MYO15B: variants seen among roughly 807,000 people sequenced by gnomAD.
The protein encoded by MYO15B is myosin XVB, also known as myosin XVB pseudogene.
Under a neutral mutation model 119.3 loss-of-function variants are expected in MYO15B, and 207 were observed. That is an observed-to-expected ratio of 1.73 (90% confidence interval 1.55 to 1.95). MYO15B has a LOEUF of 1.95. MYO15B is among the 30% of genes most tolerant of loss of function. The pLI is 0.00. For synonymous variants in MYO15B, 966 were observed against 498.9 expected (o/e 1.94, Z -12.48); for missense variants, 2,264 against 1,203.1 (o/e 1.88, Z -13.04).
At chr17:75,606,630 C>G (rs895118056) in intron 21 of MYO15B, among the ~76,000 whole-genome samples, 2 of 152,056 alleles carry the variant, frequency 1.3e-5, no homozygotes, top group Admixed American at 6.5e-5. Context: ...TATGCCACCA[C>G]GCCTGGCTAA....
In MYO15B at chr17:75,594,991, G is replaced by T; in HGVS notation, c.3297+19G>T. 1 of 702,486 alleles carries T rather than the reference G, an allele frequency of 1.4e-6. No homozygotes were observed. Among genetic ancestry groups the T allele is most frequent in the South Asian group, 1.5e-5 (1 of 67,574 alleles). The allele number at this position is 702,486 out of a possible 1,614,324, so 43.5% of individuals were successfully genotyped here. ...CTTTGAGGTCACCCCTTGGGGTGGG[G>T]CCCAGGAAAGGGGGCACCCATATAA... is the stretch of plus-strand genomic sequence containing the variant. On this transcript the variant is annotated intron_variant, in intron 12 of 63. Coordinates refer to ENST00000645453, the Ensembl canonical transcript of MYO15B.
At chr17:75,588,637 A>G (rs913836758) in exon 1 of MYO15B, 3 of 400,334 alleles carry the variant, frequency 7.5e-6, no homozygotes, top group African/African-American at 2.1e-5. Flanking sequence ...CTCGGAAGGG[A>G]CAAAAACCGG....
At chr17:75,617,022 C>T (rs1258761705) in intron 40 of MYO15B, 61 bp downstream of exon 40, 1 of 696,350 alleles carries the variant, frequency 1.4e-6, no homozygotes, top group East Asian at 2.7e-5. Context: ...GCTCAAGGCT[C>T]TCTGGGGCGA....
intron 52 of MYO15B, 89 bp from the exon 53 acceptor site, chr17:75,621,915 A>G: frequency 1.5e-6 from 1 of 659,658 alleles, no homozygotes; most frequent in Non-Finnish European, 2.8e-6. Flanking sequence ...ATCAGATGGC[A>G]GGTGAAGGCC....
chr17:75,606,481 A>AAT (rs1568161910), intron 21 of MYO15B, among the ~76,000 whole-genome samples: 3 of 147,978 alleles, frequency 2.0e-5, no homozygotes, highest in East Asian at 2.0e-4. Flanking sequence ...CACTCAGCTA[A>AAT]TTTTTTTTTG....
chr17:75,588,489 G>T, exon 1 of MYO15B: 1 of 398,484 alleles, frequency 2.5e-6, no homozygotes, highest in Admixed American at 4.4e-5. Flanking sequence ...GGACGCCCAG[G>T]AGCCTCAATG....
exon 4 of MYO15B, chr17:75,591,209 G>A (rs1296081825): frequency 1.4e-6 from 1 of 702,832 alleles, no homozygotes; most frequent in South Asian, 1.5e-5. Context: ...CTATGACCTG[G>A]CTCAGAATAC....
chr17:75,610,185 C>T (rs887457380), exon 22 of MYO15B: 27 of 700,696 alleles, frequency 3.9e-5, no homozygotes, highest in African/African-American at 8.8e-5. Context: ...CCTCCGGCGG[C>T]GGGCAGCTTT....
In MYO15B at chr17:75,621,177, G is replaced by A. The variant is rs200357711; in HGVS notation, c.7871+1G>A. 5.4e-4 allele frequency: 376 copies of A among 691,436 alleles called. No homozygotes were observed. Among genetic ancestry groups the A allele is most frequent in the Middle Eastern group, 1.6e-3 (7 of 4,332 alleles). The allele number at this position is 691,436 out of a possible 1,614,324, so 42.8% of individuals were successfully genotyped here. A position where few individuals can be genotyped will look rare whatever the true frequency, so the allele number is the denominator to read the frequency against. On this transcript the variant is annotated splice_donor_variant, in intron 50 of 63. Transcript: ENST00000645453. LOFTEE classifies it high-confidence loss of function. ...GTTACTTCCGGAGGTCCCAGGCCTT[G>A]TGAGTGCACTGGGCCAACCCCTGTG...
At chr17:75,591,225 A>T (rs2056424165) in exon 4 of MYO15B, 1 of 702,862 alleles carries the variant, frequency 1.4e-6, no homozygotes, top group African/African-American at 1.7e-5. Flanking sequence ...AATACTGGGC[A>T]GGACCCATGC....
chr17:75,605,918 C>T (rs1393353904), exon 21 of MYO15B: 6 of 701,924 alleles, frequency 8.5e-6, no homozygotes, highest in Non-Finnish European at 7.8e-6. Flanking sequence ...GGACCAGCAG[C>T]GCTCCCAGGC....
At chr17:75,613,022 A>G (rs752320573) in exon 27 of MYO15B, 4 of 698,152 alleles carry the variant, frequency 5.7e-6, no homozygotes, top group Non-Finnish European at 7.9e-6. Flanking sequence ...GCAGAGGCAG[A>G]TCATGGGCGC....
At chr17:75,592,866 A>G in intron 9 of MYO15B, 26 bp downstream of exon 9, 1 of 696,388 alleles carries the variant, frequency 1.4e-6, no homozygotes, top group Non-Finnish European at 2.6e-6. Flanking sequence ...GGCAGGGGCC[A>G]TCTGGGGTGC....
chr17:75,619,656 C>A (rs1197274453), intron 45 of MYO15B, 25 bp from the exon 46 acceptor site: 1 of 702,426 alleles, frequency 1.4e-6, no homozygotes, highest in Non-Finnish European at 2.6e-6. Context: ...CAGGAGACTG[C>A]CCGAGACCCA....
At chr17:75,588,341 C>G in exon 1 of MYO15B, 1 of 398,488 alleles carries the variant, frequency 2.5e-6, no homozygotes, top group Non-Finnish European at 4.4e-6. Context: ...CAAAGCAACG[C>G]GCAGCGTCAG....
chr17:75,616,627 C>G (rs1478868262), exon 39 of MYO15B: 10 of 702,654 alleles, frequency 1.4e-5, no homozygotes, highest in Non-Finnish European at 2.3e-5. Context: ...AGACAGCGGC[C>G]AAGGGCCATG....
At chr17:75,610,128 G>A in intron 21 of MYO15B, 38 bp from the exon 22 acceptor site, 2 of 678,894 alleles carry the variant, frequency 2.9e-6, no homozygotes, top group Non-Finnish European at 5.4e-6. Context: ...CATAAGTTTG[G>A]ACTCTTCATT....
exon 25 of MYO15B, chr17:75,611,992 C>T (rs935186102): frequency 2.8e-6 from 2 of 703,026 alleles, no homozygotes; most frequent in Non-Finnish European, 5.2e-6. Context: ...TCCCTTTCTC[C>T]AGCTTCGTCG....
exon 46 of MYO15B, chr17:75,619,795 T>C (rs145235555): frequency 1.4e-6 from 1 of 702,708 alleles, no homozygotes; most frequent in East Asian, 2.7e-5. Flanking sequence ...TCTCTGCTCA[T>C]ACAGGTGCGC....
Sources: gnomAD v4.1 joint callset for allele counts (sites outside exome capture counted in the v4.1 genomes callset) on GRCh38, gnomAD v4.1.1 for gene constraint, MANE v1.5 for transcripts, NCBI Gene and HGNC (gene_info 2026-07-23, HGNC 2026-07-21) for gene names.